Variants in CCSER1 observed in about 807,000 individuals in gnomAD.
CCSER1 encodes serine-rich coiled-coil domain-containing protein 1.
CCSER1 carries 41 observed loss-of-function variants against 82.0 expected under a neutral mutation model. That is an observed-to-expected ratio of 0.50 (90% CI 0.39 to 0.65). CCSER1 has a LOEUF of 0.65. Among genes scored for constraint, CCSER1 ranks in the 30% least tolerant of loss-of-function variants. The pLI is 0.00. For missense variants in CCSER1, 1,119 were observed against 1,064.2 expected (o/e 1.05, Z -0.72); for synonymous variants, 414 against 383.9 (o/e 1.08, Z -0.92).
At chr4:91,181,343 TC>T (rs1291361948) in intron 10 of CCSER1, among the ~76,000 whole-genome samples, 1 of 152,192 alleles carries the variant, frequency 6.6e-6, no homozygotes, top group Non-Finnish European at 1.5e-5. Context: ...TCACAGAACT[TC>T]CAGGTGTTTT....
chr4:90,368,116 A>G (rs1425819052), intron 3 of CCSER1, among the ~76,000 whole-genome samples: 1 of 151,868 alleles, frequency 6.6e-6, no homozygotes, highest in Non-Finnish European at 1.5e-5. Context: ...GAACACTCCA[A>G]TGCTATAAAT....
intron 6 of CCSER1, chr4:90,641,903 C>T: frequency 3.4e-6 from 1 of 292,446 alleles, no homozygotes; most frequent in South Asian, 2.9e-5. Flanking sequence ...ATCAAATAAC[C>T]ACTAATGTGG....
At chr4:90,465,692 A>G (rs2153586535) in intron 4 of CCSER1, among the ~76,000 whole-genome samples, 1 of 152,318 alleles carries the variant, frequency 6.6e-6, no homozygotes, top group South Asian at 2.1e-4. Flanking sequence ...CTAGTTATCA[A>G]TAATTGACAG....
chr4:90,629,314 C>G (rs1397873388), intron 6 of CCSER1, among the ~76,000 whole-genome samples: 1 of 152,164 alleles, frequency 6.6e-6, no homozygotes, highest in Non-Finnish European at 1.5e-5. Flanking sequence ...CTAATAAAGA[C>G]ATACCTGAGG....
At chr4:91,113,279 G>T (rs1190384114) in intron 10 of CCSER1, among the ~76,000 whole-genome samples, 1 of 152,130 alleles carries the variant, frequency 6.6e-6, no homozygotes, top group Non-Finnish European at 1.5e-5. Context: ...AGTTGCAAGG[G>T]AGACCTTCTT....
chr4:90,422,534 G>A (rs971577516), intron 4 of CCSER1, among the ~76,000 whole-genome samples: 1 of 152,092 alleles, frequency 6.6e-6, no homozygotes, highest in Non-Finnish European at 1.5e-5. Context: ...AGTTGAGGCT[G>A]CTGTGAGTCA....
intron 10 of CCSER1, among the ~76,000 whole-genome samples, chr4:91,492,945 C>T (rs1044885358): frequency 1.3e-5 from 2 of 151,982 alleles, no homozygotes; most frequent in African/African-American, 4.8e-5. Context: ...TATGACTAGA[C>T]ACATGAGTTC....
At chr4:90,780,746 TA>T in intron 7 of CCSER1, 3 of 1,238,794 alleles carry the variant, frequency 2.4e-6, no homozygotes, top group Non-Finnish European at 3.0e-6. Context: ...TTTACTTTAT[TA>T]AAATGGTTTG....
intron 4 of CCSER1, among the ~76,000 whole-genome samples, chr4:90,433,769 A>G (rs965078138): frequency 4.6e-5 from 7 of 152,108 alleles, no homozygotes; most frequent in African/African-American, 1.7e-4. Flanking sequence ...ATAATATCAT[A>G]ATTTAAATCT....
chr4:90,379,969 T>C (rs986518645), intron 3 of CCSER1, among the ~76,000 whole-genome samples: 1 of 152,068 alleles, frequency 6.6e-6, no homozygotes, highest in Non-Finnish European at 1.5e-5. Flanking sequence ...TACACTCTTT[T>C]AAACAACCAG....
At chr4:90,315,154 G>A (rs1000770789) in intron 3 of CCSER1, among the ~76,000 whole-genome samples, 1 of 151,862 alleles carries the variant, frequency 6.6e-6, no homozygotes, top group Non-Finnish European at 1.5e-5. Context: ...TCAGCCCTCC[G>A]ATCCGCTTTT....
At chr4:91,296,631 GTA>G (rs1446020287) in intron 10 of CCSER1, among the ~76,000 whole-genome samples, 1 of 149,072 alleles carries the variant, frequency 6.7e-6, no homozygotes, top group African/African-American at 2.5e-5. Context: ...ATAGTTGTGT[GTA>G]TATATATAAG....
intron 10 of CCSER1, among the ~76,000 whole-genome samples, chr4:91,576,372 A>G (rs1223517883): frequency 6.6e-6 from 1 of 152,096 alleles, no homozygotes; most frequent in African/African-American, 2.4e-5. Flanking sequence ...AACAGAGAGT[A>G]GAATGATGGT....
intron 8 of CCSER1, among the ~76,000 whole-genome samples, chr4:90,884,746 C>T (rs1344257007): frequency 6.6e-6 from 1 of 151,976 alleles, no homozygotes; most frequent in African/African-American, 2.4e-5. Context: ...TTAGTGTAAA[C>T]TACAATTTGT....
intron 1 of CCSER1, among the ~76,000 whole-genome samples, chr4:90,172,466 T>G (rs1731893927): frequency 6.6e-6 from 1 of 151,886 alleles, no homozygotes; most frequent in South Asian, 2.1e-4. Context: ...GGCATAATTG[T>G]ATGAGCTACA....
intron 6 of CCSER1, among the ~76,000 whole-genome samples, chr4:90,673,099 G>T (rs374692816): frequency 6.6e-6 from 1 of 151,846 alleles, no homozygotes; most frequent in East Asian, 1.9e-4. Flanking sequence ...TGGAAAAATG[G>T]CCCCAATAGA....
intron 10 of CCSER1, among the ~76,000 whole-genome samples, chr4:91,253,563 A>G (rs1740432100): frequency 6.6e-6 from 1 of 152,312 alleles, no homozygotes; most frequent in East Asian, 1.9e-4. Flanking sequence ...TATTCTAAGG[A>G]TTTAGTACCC....
At chr4:90,868,900 A>G (rs1028380889) in intron 8 of CCSER1, among the ~76,000 whole-genome samples, 3 of 151,914 alleles carry the variant, frequency 2.0e-5, no homozygotes, top group Admixed American at 6.6e-5. Context: ...AAGCCATTTT[A>G]AATAGGATGA....
intron 10 of CCSER1, among the ~76,000 whole-genome samples, chr4:91,316,222 A>C (rs1319398192): frequency 6.6e-6 from 1 of 151,996 alleles, no homozygotes; most frequent in African/African-American, 2.4e-5. Flanking sequence ...TGCCTTTATT[A>C]GCAGCGTGAG....
Sources: allele counts gnomAD v4.1 joint callset (sites outside exome capture counted in the v4.1 genomes callset), GRCh38; gene constraint gnomAD v4.1.1; transcripts MANE v1.5; gene names NCBI Gene and HGNC (gene_info 2026-07-23, HGNC 2026-07-21).